PPP1CB: variants seen among roughly 807,000 people sequenced by gnomAD.
The protein encoded by PPP1CB is protein phosphatase 1 catalytic subunit beta.
Under a neutral mutation model 43.7 loss-of-function variants are expected in PPP1CB, and 2 were observed. The ratio of observed to expected loss-of-function variants is 0.05; its 90% CI spans 0.02 to 0.14. The LOEUF is 0.14. Among genes scored for constraint, PPP1CB ranks in the 10% least tolerant of loss-of-function variants. PPP1CB has a pLI of 1.00. For missense variants in PPP1CB, 84 were observed against 398.0 expected (o/e 0.21, Z 6.71); for synonymous variants, 136 against 135.6 (o/e 1.00, Z -0.02).
At chr2:28,789,401 T>G (rs1667340397) in intron 6 of PPP1CB, among the ~76,000 whole-genome samples, 1 of 151,370 alleles carries the variant, frequency 6.6e-6, no homozygotes, top group Admixed American at 6.6e-5. Flanking sequence ...CCCAGCTACG[T>G]GGGAGGCTGA....
intron 5 of PPP1CB, among the ~76,000 whole-genome samples, chr2:28,785,268 G>T (rs1261016476): frequency 6.6e-6 from 1 of 151,124 alleles, no homozygotes; most frequent in African/African-American, 2.4e-5. Flanking sequence ...TAGAGATGGG[G>T]TTTCACCATG....
At chr2:28,788,918 C>G (rs925096422) in intron 6 of PPP1CB, 109 bp downstream of exon 6, 3 of 1,139,984 alleles carry the variant, frequency 2.6e-6, no homozygotes, top group Non-Finnish European at 3.6e-6. Flanking sequence ...AGTGCAATGG[C>G]GCAATCTCTG....
At chr2:28,786,575 G>A (rs934605491) in intron 5 of PPP1CB, among the ~76,000 whole-genome samples, 1 of 151,776 alleles carries the variant, frequency 6.6e-6, no homozygotes, top group Non-Finnish European at 1.5e-5. Context: ...ATAGATTCTT[G>A]AGATCGAGAC....
intron 1 of PPP1CB, among the ~76,000 whole-genome samples, chr2:28,758,368 A>G (rs967995659): frequency 6.6e-6 from 1 of 152,226 alleles, no homozygotes; most frequent in African/African-American, 2.4e-5. Context: ...AAATTCTGTT[A>G]TGTATTTCTG....
rs1418127447 is a variant in PPP1CB, at chr2:28,800,247, T to TC, written c.*944_*945insC. The TC allele has an allele frequency of 7.5e-5, 11 of 147,432 alleles. No individual in the cohort carries two copies. In the East Asian group the frequency reaches 2.0e-3, roughly 26 times the overall value. 9.1% of individuals were successfully genotyped at this position (147,432 alleles called of 1,614,324 possible). ...CTTTCTTTTTTTTTTTTTTTTTTTT[T>TC]TTGAGTTGTTGTTTGTTTTTAGATC... On this transcript the variant is annotated 3_prime_UTR_variant, in exon 8 of 8. Coordinates refer to ENST00000395366, the MANE Select transcript of PPP1CB (RefSeq NM_002709.3).
intron 6 of PPP1CB, among the ~76,000 whole-genome samples, chr2:28,790,435 G>T (rs774904735): frequency 2.0e-5 from 3 of 152,066 alleles, no homozygotes; most frequent in African/African-American, 4.8e-5. Context: ...CGCCTCCCAG[G>T]TTCAAGTGAT....
intron 7 of PPP1CB, among the ~76,000 whole-genome samples, chr2:28,798,428 A>T (rs1667540352): frequency 6.6e-6 from 1 of 152,118 alleles, no homozygotes; most frequent in Non-Finnish European, 1.5e-5. Context: ...TAGCCGAAAA[A>T]GTCACACAAT....
rs1263625982 is a variant in PPP1CB, at chr2:28,802,592, T to C, written c.*3289T>C. ...CTTTACGCAATGAACAGTAGTTAAA[T>C]AGGAAATAAACTAGTTCCATATAAG... On this transcript the variant is annotated 3_prime_UTR_variant, in exon 8 of 8. Transcript: ENST00000395366. 6.6e-6 allele frequency: 1 copy of C among 152,228 alleles called. No homozygotes were observed. Among genetic ancestry groups the C allele is most frequent in the Non-Finnish European group, 1.5e-5 (1 of 68,046 alleles). The allele number at this position is 152,228 out of a possible 1,614,324, so 9.4% of individuals were successfully genotyped here. A position where few individuals can be genotyped will look rare whatever the true frequency, so the allele number is the denominator to read the frequency against.
At chr2:28,781,352 CA>C (rs1667155097) in intron 3 of PPP1CB, among the ~76,000 whole-genome samples, 1 of 152,040 alleles carries the variant, frequency 6.6e-6, no homozygotes, top group Non-Finnish European at 1.5e-5. Flanking sequence ...TGGGAGAAAA[CA>C]ACACTTAAAA....
At chr2:28,777,487 G>T (rs1289013815) in intron 2 of PPP1CB, among the ~76,000 whole-genome samples, 1 of 152,154 alleles carries the variant, frequency 6.6e-6, no homozygotes, top group Non-Finnish European at 1.5e-5. Context: ...TCAATATGGC[G>T]ATATCTGTGG....
intron 6 of PPP1CB, among the ~76,000 whole-genome samples, chr2:28,792,971 C>G (rs544398072): frequency 6.6e-6 from 1 of 152,018 alleles, no homozygotes; most frequent in Non-Finnish European, 1.5e-5. Context: ...TTTGGGAGGC[C>G]GAGGCGGGCA....
chr2:28,786,027 A>G (rs751074214), intron 5 of PPP1CB, among the ~76,000 whole-genome samples: 1 of 152,174 alleles, frequency 6.6e-6, no homozygotes, highest in African/African-American at 2.4e-5. Context: ...AGTGTCTGCA[A>G]CATTCAGAAA....
chr2:28,752,763 C>A (rs914594993), intron 1 of PPP1CB, among the ~76,000 whole-genome samples: 8 of 152,090 alleles, frequency 5.3e-5, no homozygotes, highest in Non-Finnish European at 8.8e-5. Context: ...ATTAATCTAC[C>A]GTTTGTTACT....
chr2:28,794,579 T>C (rs1479091308), intron 7 of PPP1CB, among the ~76,000 whole-genome samples: 1 of 151,894 alleles, frequency 6.6e-6, no homozygotes, highest in Non-Finnish European at 1.5e-5. Flanking sequence ...TAGTCCCAGC[T>C]ACTTGGGAGG....
intron 4 of PPP1CB, among the ~76,000 whole-genome samples, chr2:28,783,544 T>C (rs1667199167): frequency 6.6e-6 from 1 of 152,054 alleles, no homozygotes; most frequent in African/African-American, 2.4e-5. Context: ...GATCATGAGG[T>C]CAAGAGATCG....
chr2:28,755,675 G>A (rs928823744), intron 1 of PPP1CB, among the ~76,000 whole-genome samples: 7 of 152,140 alleles, frequency 4.6e-5, no homozygotes, highest in African/African-American at 2.4e-5. Flanking sequence ...GAATCATCTG[G>A]GGAACTTCAT....
At chr2:28,777,065 T>C in intron 2 of PPP1CB, 83 bp downstream of exon 2, 1 of 1,460,546 alleles carries the variant, frequency 6.8e-7, no homozygotes, top group Non-Finnish European at 9.4e-7. Flanking sequence ...AAACATTTTT[T>C]GAAATTTTTG....
chr2:28,800,375 G>GGGACATTTT lies in PPP1CB; in HGVS notation c.*1074_*1082dup, dbSNP rs1337216811. 6.6e-6 allele frequency: 1 copy of GGGACATTTT among 151,904 alleles called. No homozygotes were observed. The highest frequency in any genetic ancestry group is 2.4e-5 in the African/African-American group (1 of 41,228). 9.4% of individuals were successfully genotyped at this position (151,904 alleles called of 1,614,324 possible). A position where few individuals can be genotyped will look rare whatever the true frequency, so the allele number is the denominator to read the frequency against. ...TGTATTTAAATGAATGCTGGTCAGT[G>GGGACATTTT]GGACATTTTGTCAACTATGGGTATT... On this transcript the variant is annotated 3_prime_UTR_variant, in exon 8 of 8. Coordinates refer to ENST00000395366, the MANE Select transcript of PPP1CB (RefSeq NM_002709.3).
intron 1 of PPP1CB, among the ~76,000 whole-genome samples, chr2:28,753,874 C>A (rs985726042): frequency 6.6e-6 from 1 of 152,052 alleles, no homozygotes; most frequent in South Asian, 2.1e-4. Context: ...GCTGGGATTA[C>A]AGGCACCCCG....
Sources: gnomAD v4.1 joint callset for allele counts (sites outside exome capture counted in the v4.1 genomes callset) on GRCh38, gnomAD v4.1.1 for gene constraint, MANE v1.5 for transcripts, NCBI Gene and HGNC (gene_info 2026-07-23, HGNC 2026-07-21) for gene names.